Variants in EYS observed in about 807,000 individuals in gnomAD.
EYS encodes protein eyes shut homolog.
EYS carries 250 observed loss-of-function variants against 282.1 expected under a neutral mutation model. The ratio of observed to expected loss-of-function variants is 0.89; its 90% CI spans 0.80 to 0.98. EYS has a LOEUF of 0.98. Ranked by LOEUF, EYS falls within the 50% of genes least tolerant of loss-of-function variation. The pLI is 0.00. For missense variants in EYS, 4,016 were observed against 3,709.0 expected, an observed-to-expected ratio of 1.08 and a Z score of -2.15; for synonymous variants, 1,355 against 1,282.9, an observed-to-expected ratio of 1.06 and a Z score of -1.20.
intron 5 of EYS, among the ~76,000 whole-genome samples, chr6:65,428,345 T>C (rs543423915): frequency 4.6e-5 from 7 of 152,172 alleles, no homozygotes; most frequent in African/African-American, 4.8e-5. Flanking sequence ...AATAAATACA[T>C]TGAAATGATA....
chr6:65,223,217 A>G (rs1766518696), intron 12 of EYS, among the ~76,000 whole-genome samples: 1 of 152,128 alleles, frequency 6.6e-6, no homozygotes, highest in African/African-American at 2.4e-5. Flanking sequence ...AACACAAAAA[A>G]TTAGCTGGGC....
At chr6:64,613,446 A>G (rs893927562) in intron 24 of EYS, among the ~76,000 whole-genome samples, 7 of 152,048 alleles carry the variant, frequency 4.6e-5, no homozygotes, top group African/African-American at 1.7e-4. Context: ...GGAAGTCATC[A>G]TTCCCATCTA....
chr6:65,024,109 A>G (rs1363371507), intron 13 of EYS, among the ~76,000 whole-genome samples: 1 of 152,180 alleles, frequency 6.6e-6, no homozygotes, highest in Non-Finnish European at 1.5e-5. Context: ...TTAACTTGAG[A>G]AAATAGTAAT....
chr6:64,008,423 G>A (rs1402887391), intron 33 of EYS, among the ~76,000 whole-genome samples: 1 of 152,064 alleles, frequency 6.6e-6, no homozygotes, highest in African/African-American at 2.4e-5. Flanking sequence ...TATCCAACTT[G>A]CTACTGTATG....
At chr6:65,581,172 A>G (rs967908520) in intron 2 of EYS, among the ~76,000 whole-genome samples, 7 of 152,082 alleles carry the variant, frequency 4.6e-5, no homozygotes, top group South Asian at 2.1e-4. Flanking sequence ...CTGTGGGTCT[A>G]ATCAGTAATA....
chr6:65,619,338 G>C (rs1394472248), intron 2 of EYS, among the ~76,000 whole-genome samples: 1 of 151,894 alleles, frequency 6.6e-6, no homozygotes, highest in Non-Finnish European at 1.5e-5. Flanking sequence ...GTTCACTCAT[G>C]ATTTGCCTCT....
At chr6:64,080,665 T>G (rs1266101422) in intron 32 of EYS, among the ~76,000 whole-genome samples, 2 of 152,272 alleles carry the variant, frequency 1.3e-5, no homozygotes, top group Non-Finnish European at 2.9e-5. Context: ...GCCTAGGTTT[T>G]CTTCTAGGGT....
intron 26 of EYS, among the ~76,000 whole-genome samples, chr6:64,533,520 G>T (rs147956199): frequency 6.6e-6 from 1 of 151,920 alleles, no homozygotes; most frequent in Non-Finnish European, 1.5e-5. Flanking sequence ...AGAAACACTG[G>T]GGCTAGGAGA....
intron 35 of EYS, among the ~76,000 whole-genome samples, chr6:63,913,179 G>A (rs529723980): frequency 2.6e-5 from 4 of 152,292 alleles, no homozygotes; most frequent in Admixed American, 6.5e-5. Flanking sequence ...AGTTATAAAT[G>A]TCTCAGTTGT....
chr6:65,115,130 T>G (rs1775329562), intron 12 of EYS, among the ~76,000 whole-genome samples: 1 of 152,186 alleles, frequency 6.6e-6, no homozygotes, highest in Non-Finnish European at 1.5e-5. Context: ...GCCTGCAAAC[T>G]TCCACAAATA....
At chr6:65,596,727 G>A (rs1765420811) in intron 2 of EYS, among the ~76,000 whole-genome samples, 1 of 151,688 alleles carries the variant, frequency 6.6e-6, no homozygotes, top group Non-Finnish European at 1.5e-5. Flanking sequence ...AATAAGGAAT[G>A]GTACATCATT....
At chr6:64,225,044 T>C (rs1198673329) in intron 31 of EYS, among the ~76,000 whole-genome samples, 2 of 152,118 alleles carry the variant, frequency 1.3e-5, no homozygotes, top group African/African-American at 4.8e-5. Flanking sequence ...CTTGAGCAAG[T>C]GGCTCAGAAC....
intron 29 of EYS, among the ~76,000 whole-genome samples, chr6:64,355,393 A>T (rs1453693211): frequency 6.6e-6 from 1 of 151,612 alleles, no homozygotes; most frequent in African/African-American, 2.4e-5. Context: ...GAGAATTAAG[A>T]TAACATTAAA....
At chr6:64,906,884 G>T (rs1038160777) in intron 16 of EYS, among the ~76,000 whole-genome samples, 1 of 152,114 alleles carries the variant, frequency 6.6e-6, no homozygotes, top group African/African-American at 2.4e-5. Context: ...TTCATAAAAA[G>T]AACATTAGAA....
At chr6:64,625,703 T>C (rs555729101) in intron 23 of EYS, among the ~76,000 whole-genome samples, 1 of 152,220 alleles carries the variant, frequency 6.6e-6, no homozygotes, top group African/African-American at 2.4e-5. Flanking sequence ...AATTATTCCT[T>C]GAAGAAAACA....
intron 35 of EYS, among the ~76,000 whole-genome samples, chr6:63,897,934 T>C (rs887387661): frequency 1.5e-4 from 23 of 152,238 alleles, no homozygotes; most frequent in African/African-American, 5.1e-4. Flanking sequence ...CTGAGGGAGA[T>C]GAAGCAGCTG....
At chr6:63,829,684 CG>C (rs1771572937) in intron 36 of EYS, among the ~76,000 whole-genome samples, 1 of 152,224 alleles carries the variant, frequency 6.6e-6, no homozygotes, top group Admixed American at 6.5e-5. Context: ...CAGACTTAAA[CG>C]TCCCTGTCTG....
chr6:65,373,499 G>A (rs554562215), intron 8 of EYS, among the ~76,000 whole-genome samples: 11 of 152,024 alleles, frequency 7.2e-5, no homozygotes, highest in African/African-American at 2.7e-4. Flanking sequence ...ATCAATTTCT[G>A]AGGGAGCAGT....
Position 65,296,001 on chromosome 6 carries a change from A to T in EYS, c.1885T>A (p.Cys629Ser). 1 of 1,551,264 alleles carries T rather than the reference A, an allele frequency of 6.4e-7. No individual in the cohort carries two copies. The highest frequency in any genetic ancestry group is 8.7e-7 in the Non-Finnish European group (1 of 1,146,560). The change falls in exon 12 of 43, where the codon TGT (cysteine) becomes AGT (serine). Residue 629 changes from cysteine to serine, a missense_variant. Transcript: ENST00000503581. ...CTTTCATATCTTTGCAGACCGCTAC[A>T]GTTACAATTGTGCGAAAGGGCCAGG... ...LCLALSHNCN[C>S]SGLQRYERNI...
Sources: gnomAD v4.1 joint callset for allele counts (sites outside exome capture counted in the v4.1 genomes callset) on GRCh38, gnomAD v4.1.1 for gene constraint, MANE v1.5 for transcripts, NCBI Gene and HGNC (gene_info 2026-07-23, HGNC 2026-07-21) for gene names.